Variants in M1AP observed in about 807,000 individuals in gnomAD.
The protein encoded by M1AP is meiosis 1 associated protein.
A neutral mutation model predicts 51.2 loss-of-function variants in M1AP; 39 were observed. That is an observed-to-expected ratio of 0.76 (90% CI 0.59 to 1.00). The LOEUF is 1.00. Ranked by LOEUF, M1AP falls within the 50% of genes least tolerant of loss-of-function variation. M1AP has a pLI of 0.00. For missense variants in M1AP, 545 were observed against 641.2 expected, an observed-to-expected ratio of 0.85 and a Z score of 1.62; for synonymous variants, 251 against 249.2, an observed-to-expected ratio of 1.01 and a Z score of -0.07.
chr2:74,631,772 A>T (rs1175739402), intron 2 of M1AP, among the ~76,000 whole-genome samples: 1 of 152,174 alleles, frequency 6.6e-6, no homozygotes, highest in Non-Finnish European at 1.5e-5. Context: ...TATAAAAGGA[A>T]TTTTAATATT....
chr2:74,575,643 C>G, intron 6 of M1AP, 64 bp from the exon 7 acceptor site: 1 of 1,292,654 alleles, frequency 7.7e-7, no homozygotes, highest in Non-Finnish European at 1.1e-6. Flanking sequence ...CCTAGATCCA[C>G]TTCAATTCAG....
At chr2:74,562,155 C>T in intron 8 of M1AP, 62 bp downstream of exon 8, 1 of 1,545,554 alleles carries the variant, frequency 6.5e-7, no homozygotes. Context: ...TCCTCTCCCT[C>T]ATCCCTTTCT....
In M1AP at chr2:74,623,393, A is replaced by G. The variant is rs78647966; in HGVS notation, c.241-8244T>C. Reference sequence around the variant, plus strand: ...GTGACCCGTGCCTGTAGTTCCAGCTACTTGGGACTTGAGGTGGGAGAATGG... The same window carrying G: ...GTGACCCGTGCCTGTAGTTCCAGCTGCTTGGGACTTGAGGTGGGAGAATGG... On this transcript the variant is annotated intron_variant, in intron 2 of 10. Coordinates refer to ENST00000421985, the MANE Select transcript of M1AP (RefSeq NM_001321739.2). Among the ~76,000 whole-genome samples, 3 of 152,082 alleles carry G rather than the reference A, an allele frequency of 2.0e-5. No homozygotes were observed. In the East Asian group the frequency reaches 5.8e-4, roughly 29 times the overall value.
intron 2 of M1AP, among the ~76,000 whole-genome samples, chr2:74,618,300 G>A (rs1189899678): frequency 2.6e-5 from 4 of 152,220 alleles, no homozygotes; most frequent in African/African-American, 7.2e-5. Flanking sequence ...CAGGCCAAGA[G>A]TGCTCAGCGT....
At chr2:74,632,431 TTG>T (rs912168958) in intron 2 of M1AP, among the ~76,000 whole-genome samples, 1 of 152,208 alleles carries the variant, frequency 6.6e-6, no homozygotes, top group African/African-American at 2.4e-5. Context: ...CAAGACCTCC[TTG>T]TGGCGGAAGG....
chr2:74,604,947 C>T (rs1252044518), intron 4 of M1AP, among the ~76,000 whole-genome samples: 3 of 152,138 alleles, frequency 2.0e-5, no homozygotes, highest in Non-Finnish European at 4.4e-5. Context: ...TGGTAGCTCA[C>T]ACCTGTAATC....
intron 8 of M1AP, among the ~76,000 whole-genome samples, chr2:74,560,903 G>T (rs1395748445): frequency 1.3e-5 from 2 of 152,166 alleles, no homozygotes; most frequent in African/African-American, 4.8e-5. Context: ...TGTCCTTGCT[G>T]CATTTAAGCT....
intron 7 of M1AP, among the ~76,000 whole-genome samples, chr2:74,565,453 T>C (rs1038588087): frequency 6.6e-6 from 1 of 152,190 alleles, no homozygotes; most frequent in African/African-American, 2.4e-5. Context: ...GCTGGTTTAA[T>C]ACCCTCAAAT....
chr2:74,647,992 G>A lies in M1AP; in HGVS notation c.-53+273C>T, dbSNP rs953875753. The A allele has an allele frequency of 2.3e-5, 23 of 984,824 alleles. 1 individual carries two copies. In the African/African-American group the frequency reaches 3.1e-4, roughly 13 times the overall value. The allele number at this position is 984,824 out of a possible 1,614,324, so 61.0% of individuals were successfully genotyped here. ...GCCTACCGTGCCTGGCGGATCAGCA[G>A]CCCGGCCCTCGGGCCTGGGGGCCCC... On this transcript the variant is annotated intron_variant, in intron 1 of 10. Coordinates refer to ENST00000421985, the MANE Select transcript of M1AP (RefSeq NM_001321739.2).
intron 7 of M1AP, among the ~76,000 whole-genome samples, chr2:74,571,498 T>C (rs1678736627): frequency 2.6e-5 from 4 of 152,176 alleles, no homozygotes; most frequent in Middle Eastern, 3.4e-3. Context: ...AAACCAAAGA[T>C]GGAGTTAAAG....
At chr2:74,580,278 T>C (rs1679320981) in intron 5 of M1AP, among the ~76,000 whole-genome samples, 1 of 152,208 alleles carries the variant, frequency 6.6e-6, no homozygotes, top group Non-Finnish European at 1.5e-5. Flanking sequence ...TTAATAATGT[T>C]AGCTATACAC....
At position 74,591,746 on chromosome 2, in the gene M1AP, A is replaced by C. The variant is rs147450678; in HGVS notation, c.596-9899T>G. Among the ~76,000 whole-genome samples, 667 of 152,234 alleles carry C rather than the reference A, an allele frequency of 4.4e-3. 8 individuals are homozygous for C. Among genetic ancestry groups the C allele is most frequent in the African/African-American group, 0.015 (616 of 41,550 alleles). The stretch of plus-strand genomic sequence containing the variant: ...TGGGGGAGCTAAGTAGAGTAAGGAA[A>C]AGCTAAAGAAGACGCTCAAATCAAA... On this transcript the variant is annotated intron_variant, in intron 4 of 10. Coordinates refer to ENST00000421985, the MANE Select transcript of M1AP (RefSeq NM_001321739.2).
chr2:74,617,025 T>C (rs1224887600), intron 2 of M1AP, among the ~76,000 whole-genome samples: 2 of 152,238 alleles, frequency 1.3e-5, no homozygotes, highest in East Asian at 3.8e-4. Flanking sequence ...CCCAAAAGGC[T>C]ATAAAAGAAA....
intron 3 of M1AP, among the ~76,000 whole-genome samples, chr2:74,607,470 G>A (rs1192885015): frequency 2.0e-5 from 3 of 152,080 alleles, no homozygotes; most frequent in African/African-American, 7.2e-5. Context: ...GAAACCATAT[G>A]TATGTTTTAG....
rs774848833 is a variant in M1AP, at chr2:74,607,225, T to C, written c.427-2A>G. 6.2e-7 allele frequency: 1 copy of C among 1,613,812 alleles called. No individual in the cohort carries two copies. Among genetic ancestry groups the C allele is most frequent in the Non-Finnish European group, 8.5e-7 (1 of 1,179,760 alleles). On this transcript the variant is annotated splice_acceptor_variant, in intron 3 of 10. Coordinates refer to ENST00000421985, the MANE Select transcript of M1AP (RefSeq NM_001321739.2). LOFTEE classifies it high-confidence loss of function. ...AGGCTGAGAAGTCAGAATAGTAATC[T>C]GAAAATAAATCCAAGAATCAATGTG...
chr2:74,560,565 T>C (rs1425594727), intron 8 of M1AP, among the ~76,000 whole-genome samples: 1 of 152,130 alleles, frequency 6.6e-6, no homozygotes, highest in East Asian at 1.9e-4. Flanking sequence ...CCAGGGGTTC[T>C]GAGGGGGCCG....
intron 7 of M1AP, among the ~76,000 whole-genome samples, chr2:74,573,499 C>T (rs751997005): frequency 2.0e-5 from 3 of 151,902 alleles, no homozygotes; most frequent in East Asian, 1.9e-4. Flanking sequence ...ATTAGAGGTG[C>T]GTGCCACTAT....
At chr2:74,639,930 G>T in intron 2 of M1AP, 106 bp downstream of exon 2, 1 of 964,564 alleles carries the variant, frequency 1.0e-6, no homozygotes, top group Non-Finnish European at 1.6e-6. Context: ...GTGTGGAGAA[G>T]TAGTGCGGTT....
At chr2:74,647,308 C>T in intron 1 of M1AP, 1 of 985,404 alleles carries the variant, frequency 1.0e-6, no homozygotes, top group Non-Finnish European at 1.2e-6. Context: ...GTGTCTGCCT[C>T]TGCGGATGTT....
Sources: allele counts gnomAD v4.1 joint callset (sites outside exome capture counted in the v4.1 genomes callset), GRCh38; gene constraint gnomAD v4.1.1; transcripts MANE v1.5; gene names NCBI Gene and HGNC (gene_info 2026-07-23, HGNC 2026-07-21).